ELP1: variants seen among roughly 807,000 people sequenced by gnomAD.
The protein encoded by ELP1 is elongator acetyltransferase complex subunit 1.
Under a neutral mutation model 183.2 loss-of-function variants are expected in ELP1, and 131 were observed. The ratio of observed to expected loss-of-function variants is 0.72; its 90% CI spans 0.62 to 0.83. The LOEUF (loss-of-function observed/expected upper bound fraction) is 0.83. Ranked by LOEUF, ELP1 falls within the 40% of genes least tolerant of loss-of-function variation. The probability of loss-of-function intolerance (pLI) is 0.00; values close to 1 mark genes in which losing one functional copy is unlikely to be tolerated. For synonymous variants in ELP1, 555 were observed against 569.0 expected, an observed-to-expected ratio of 0.98 and a Z score of 0.35; for missense variants, 1,550 against 1,594.9, an observed-to-expected ratio of 0.97 and a Z score of 0.48.
intron 5 of ELP1, among the ~76,000 whole-genome samples, chr9:108,926,147 T>C (rs1033854421): frequency 6.6e-6 from 1 of 152,236 alleles, no homozygotes; most frequent in African/African-American, 2.4e-5. Flanking sequence ...ATTGTTCCCA[T>C]GGAAATGCAG....
chr9:108,883,192 C>T (rs1264846691), intron 29 of ELP1, among the ~76,000 whole-genome samples: 1 of 152,148 alleles, frequency 6.6e-6, no homozygotes, highest in South Asian at 2.1e-4. Flanking sequence ...GAGACAGGGT[C>T]TTGTTCTGTT....
chr9:108,881,702 C>T lies in ELP1; in HGVS notation c.3346+3G>A. On this transcript the variant is annotated splice_donor_region_variant and intron_variant, in intron 31 of 36. Transcript: ENST00000374647. Reference sequence around the variant, plus strand: ...GGAATTCTATCTAAAATGGAACCCTCACCTTCTAAAATGGAAGGCTTTACG... The same window carrying T: ...GGAATTCTATCTAAAATGGAACCCTTACCTTCTAAAATGGAAGGCTTTACG... 3 of 1,558,570 alleles carry T rather than the reference C, an allele frequency of 1.9e-6. No individual in the cohort carries two copies. Among genetic ancestry groups the T allele is most frequent in the South Asian group, 1.1e-5 (1 of 89,874 alleles).
At chr9:108,880,407 C>G (rs747077309) in intron 31 of ELP1, among the ~76,000 whole-genome samples, 1 of 151,226 alleles carries the variant, frequency 6.6e-6, no homozygotes. Flanking sequence ...ATCACCTGAA[C>G]GAAGACTTGA....
At position 108,899,865 on chromosome 9, in the gene ELP1, G is replaced by A. The variant is rs1300413546; in HGVS notation, c.2161C>T (p.His721Tyr). 1 of 1,614,092 alleles carries A rather than the reference G, an allele frequency of 6.2e-7. No individual in the cohort carries two copies. Among genetic ancestry groups the A allele is most frequent in the East Asian group, 2.2e-5 (1 of 44,870 alleles). Reference protein sequence around the residue: ...MPRGNLEVVHHRALVLAQIRK... With the variant: ...MPRGNLEVVHYRALVLAQIRK... Reference sequence around the variant, plus strand: ...ATCTGAGCTAAAACCAGGGCTCGATGATGAACAACTTCTAAGTTTCCCCTT... The same window carrying A: ...ATCTGAGCTAAAACCAGGGCTCGATAATGAACAACTTCTAAGTTTCCCCTT... The change falls in exon 20 of 37, where the codon CAT (histidine) becomes TAT (tyrosine). Residue 721 changes from histidine to tyrosine, a missense_variant. By Grantham distance (83) the His-to-Tyr change is moderately conservative. Transcript: ENST00000374647.
In ELP1 at chr9:108,934,123, G is replaced by A. The variant is rs556796419; in HGVS notation, c.-315C>T. ...ACTAGGCAGCCGCAGCACTGGGAGT[G>A]CGGCGCGGGAGTGACGTCACCAGGC... On this transcript the variant is annotated 5_prime_UTR_variant, in exon 1 of 37. Coordinates refer to ENST00000374647, the MANE Select transcript of ELP1 (RefSeq NM_003640.5). The A allele has an allele frequency of 8.2e-5, 19 of 232,152 alleles. No individual in the cohort carries two copies. In the South Asian group the frequency reaches 9.3e-4, roughly 11 times the overall value. The allele number at this position is 232,152 out of a possible 1,614,324, so 14.4% of individuals were successfully genotyped here. A position where few individuals can be genotyped will look rare whatever the true frequency, so the allele number is the denominator to read the frequency against.
chr9:108,882,453 C>T (rs1336625049), intron 29 of ELP1, among the ~76,000 whole-genome samples: 1 of 152,140 alleles, frequency 6.6e-6, no homozygotes, highest in African/African-American at 2.4e-5. Context: ...CCACCAGAAA[C>T]GTCTGTTAGA....
At position 108,893,049 on chromosome 9, in the gene ELP1, T is replaced by C. The variant is rs1035314572; in HGVS notation, c.2895A>G (p.Ile965Met). 3 of 1,613,960 alleles carry C rather than the reference T, an allele frequency of 1.9e-6. No homozygotes were observed. The highest frequency in any genetic ancestry group is 2.5e-6 in the Non-Finnish European group (3 of 1,179,838). ...CTTCGTTATACAAGTTTTTATCTTTTATCAAGTTTAAGCATTCTGGGAAGT... is the reference window on the plus strand; with the variant it reads ...CTTCGTTATACAAGTTTTTATCTTTCATCAAGTTTAAGCATTCTGGGAAGT... Reference protein sequence around the residue: ...PEYFPECLNLIKDKNLYNEAL... With the variant: ...PEYFPECLNLMKDKNLYNEAL... The change falls in exon 27 of 37, where the codon ATA (isoleucine) becomes ATG (methionine). Residue 965 changes from isoleucine to methionine, a missense_variant. Physicochemically the swap from Ile to Met is conservative, Grantham distance 10. Coordinates refer to ENST00000374647, the MANE Select transcript of ELP1 (RefSeq NM_003640.5).
At chr9:108,871,672 A>T (rs1318443308) in intron 36 of ELP1, among the ~76,000 whole-genome samples, 1 of 152,206 alleles carries the variant, frequency 6.6e-6, no homozygotes, top group East Asian at 1.9e-4. Context: ...TCTTTCTAAA[A>T]TTATCAAACC....
At position 108,893,652 on chromosome 9, in the gene ELP1, A is replaced by T. The variant is rs947196; in HGVS notation, c.2860+291T>A. 0.89 allele frequency among the ~76,000 whole-genome samples: 136,093 copies of T among 152,230 alleles called. 61,040 individuals carry two copies. The highest frequency in any genetic ancestry group is 0.94 in the African/African-American group (39,126 of 41,552). On this transcript the variant is annotated intron_variant, in intron 26 of 36. Coordinates refer to ENST00000374647, the MANE Select transcript of ELP1 (RefSeq NM_003640.5). Reference sequence around the variant, plus strand: ...CAAACAGCATGAGAAGGAAGAACTGACAACCAATTTTGATTCTGAGACACT... The same window carrying T: ...CAAACAGCATGAGAAGGAAGAACTGTCAACCAATTTTGATTCTGAGACACT...
intron 1 of ELP1, 100 bp from the exon 2 acceptor site, chr9:108,931,301 C>T: frequency 2.4e-6 from 2 of 817,598 alleles, no homozygotes; most frequent in Middle Eastern, 3.3e-4. Context: ...TCAGAATAAC[C>T]AAGAAAAGAA....
chr9:108,916,595 T>C (rs1829443431), intron 9 of ELP1, among the ~76,000 whole-genome samples: 1 of 152,194 alleles, frequency 6.6e-6, no homozygotes, highest in African/African-American at 2.4e-5. Flanking sequence ...GACTGGGTGT[T>C]AGACAACACA....
At chr9:108,924,130 A>G (rs1564105552) in intron 5 of ELP1, among the ~76,000 whole-genome samples, 1 of 152,210 alleles carries the variant, frequency 6.6e-6, no homozygotes, top group Non-Finnish European at 1.5e-5. Context: ...AACTTTTCCA[A>G]TGGAAGACAA....
intron 5 of ELP1, among the ~76,000 whole-genome samples, chr9:108,923,509 C>A (rs896947043): frequency 8.5e-5 from 13 of 152,112 alleles, no homozygotes; most frequent in Non-Finnish European, 4.4e-5. Flanking sequence ...CACAAGTCAG[C>A]GATCTCACCC....
chr9:108,901,815 T>A, intron 16 of ELP1, 134 bp from the exon 17 acceptor site: 1 of 864,110 alleles, frequency 1.2e-6, no homozygotes, highest in Non-Finnish European at 1.9e-6. Flanking sequence ...GATAGATACC[T>A]AAGACGTGGC....
chr9:108,928,748 A>G (rs746187158), intron 3 of ELP1, among the ~76,000 whole-genome samples: 2 of 152,206 alleles, frequency 1.3e-5, no homozygotes, highest in Non-Finnish European at 2.9e-5. Flanking sequence ...CAATGCTACA[A>G]AATGTTTGGA....
intron 29 of ELP1, among the ~76,000 whole-genome samples, chr9:108,885,086 A>C (rs1046187717): frequency 6.6e-6 from 1 of 152,126 alleles, no homozygotes; most frequent in Non-Finnish European, 1.5e-5. Context: ...TTCTTTAAAA[A>C]AACAACAACA....
chr9:108,870,749 T>C (rs1190941584), intron 36 of ELP1, among the ~76,000 whole-genome samples: 2 of 152,348 alleles, frequency 1.3e-5, no homozygotes, highest in Middle Eastern at 3.4e-3. Flanking sequence ...ATCATCCATG[T>C]TGTAAAAGAA....
At chr9:108,893,517 G>A (rs1828419844) in intron 26 of ELP1, among the ~76,000 whole-genome samples, 1 of 152,120 alleles carries the variant, frequency 6.6e-6, no homozygotes, top group African/African-American at 2.4e-5. Context: ...TTCCAGCATG[G>A]GAAGAACAAC....
chr9:108,870,181 A>T (rs1164850838), intron 36 of ELP1, among the ~76,000 whole-genome samples: 1 of 151,818 alleles, frequency 6.6e-6, no homozygotes, highest in African/African-American at 2.4e-5. Context: ...TGCCCAGGCT[A>T]CTCTCAAAAC....
Sources: allele counts gnomAD v4.1 joint callset (sites outside exome capture counted in the v4.1 genomes callset), GRCh38; gene constraint gnomAD v4.1.1; transcripts MANE v1.5; gene names NCBI Gene and HGNC (gene_info 2026-07-23, HGNC 2026-07-21).